The following CCSER1 variants were observed in gnomAD, a reference collection of about 807,000 sequenced individuals.
CCSER1 encodes the protein coiled-coil serine rich protein 1, also known as serine-rich coiled-coil domain-containing protein 1.
CCSER1 carries 41 observed loss-of-function variants against 82.0 expected under a neutral mutation model. That is an observed-to-expected ratio of 0.50 (90% CI 0.39 to 0.65). CCSER1 has a LOEUF of 0.65. CCSER1 is among the 30% of genes least tolerant of loss of function. The pLI, the probability that CCSER1 is intolerant of heterozygous loss-of-function variation, is 0.00. For synonymous variants in CCSER1, 414 were observed against 383.9 expected (o/e 1.08, Z -0.92); for missense variants, 1,119 against 1,064.2 (o/e 1.05, Z -0.72).
At chr4:90,854,892 C>T (rs1197524696) in intron 8 of CCSER1, among the ~76,000 whole-genome samples, 2 of 152,062 alleles carry the variant, frequency 1.3e-5, no homozygotes, top group African/African-American at 2.4e-5. Flanking sequence ...TCCACTGGCT[C>T]TACAGAAAGT....
At chr4:91,424,765 C>T (rs1171752475) in intron 10 of CCSER1, among the ~76,000 whole-genome samples, 1 of 151,888 alleles carries the variant, frequency 6.6e-6, no homozygotes, top group Non-Finnish European at 1.5e-5. Context: ...GTAAAATATG[C>T]CTTATTTTTA....
chr4:90,129,176 G>T (rs778575538), intron 1 of CCSER1, among the ~76,000 whole-genome samples: 7 of 151,766 alleles, frequency 4.6e-5, no homozygotes, highest in Non-Finnish European at 1.0e-4. Context: ...AAAATAATGT[G>T]TACACGTTTA....
intron 10 of CCSER1, among the ~76,000 whole-genome samples, chr4:91,239,303 C>A (rs1156695218): frequency 1.7e-5 from 1 of 58,260 alleles, no homozygotes; most frequent in South Asian, 7.1e-4. Flanking sequence ...TTAGAATGTG[C>A]GAATTTAACT....
At chr4:90,165,160 G>C (rs932545475) in intron 1 of CCSER1, among the ~76,000 whole-genome samples, 4 of 152,032 alleles carry the variant, frequency 2.6e-5, no homozygotes, top group African/African-American at 4.8e-5. Flanking sequence ...TTAGTTGATA[G>C]AAGCTTCTCT....
At chr4:90,539,517 G>T (rs939827047) in intron 5 of CCSER1, among the ~76,000 whole-genome samples, 3 of 151,980 alleles carry the variant, frequency 2.0e-5, no homozygotes, top group Non-Finnish European at 4.4e-5. Flanking sequence ...GCAATTACAC[G>T]TTTACATTCA....
chr4:90,957,994 G>T (rs557665611), intron 9 of CCSER1, among the ~76,000 whole-genome samples: 81 of 152,154 alleles, frequency 5.3e-4, no homozygotes, highest in Non-Finnish European at 8.7e-4. Flanking sequence ...CAGTTTGAAG[G>T]AGTTACTTGA....
chr4:91,008,315 T>C (rs1344003172), intron 9 of CCSER1, among the ~76,000 whole-genome samples: 1 of 152,198 alleles, frequency 6.6e-6, no homozygotes, highest in African/African-American at 2.4e-5. Context: ...ACTGAAGTTT[T>C]CTACTATTAT....
At chr4:90,192,526 C>T (rs1374822975) in intron 1 of CCSER1, among the ~76,000 whole-genome samples, 1 of 151,986 alleles carries the variant, frequency 6.6e-6, no homozygotes, top group African/African-American at 2.4e-5. Context: ...CGACCATTGC[C>T]GTGCAGTAGT....
At chr4:90,733,850 T>G (rs1745188912) in intron 7 of CCSER1, among the ~76,000 whole-genome samples, 1 of 152,062 alleles carries the variant, frequency 6.6e-6, no homozygotes, top group African/African-American at 2.4e-5. Flanking sequence ...ATAGATTTGT[T>G]TCTGGGTTCT....
At chr4:90,985,660 C>A (rs1230612001) in intron 9 of CCSER1, among the ~76,000 whole-genome samples, 2 of 151,646 alleles carry the variant, frequency 1.3e-5, no homozygotes, top group Non-Finnish European at 1.5e-5. Context: ...CATACATTTT[C>A]TTTTTATTAT....
At chr4:91,251,724 T>A (rs2149147669) in intron 10 of CCSER1, among the ~76,000 whole-genome samples, 1 of 152,274 alleles carries the variant, frequency 6.6e-6, no homozygotes, top group South Asian at 2.1e-4. Flanking sequence ...TTAAATCAAT[T>A]AAAATTATGG....
intron 1 of CCSER1, among the ~76,000 whole-genome samples, chr4:90,189,659 C>G (rs993027765): frequency 6.6e-5 from 10 of 151,544 alleles, no homozygotes; most frequent in African/African-American, 2.4e-4. Context: ...TGTGTTTTTT[C>G]TACCTTTCTC....
At chr4:91,400,394 T>G (rs573685445) in intron 10 of CCSER1, among the ~76,000 whole-genome samples, 3 of 151,724 alleles carry the variant, frequency 2.0e-5, no homozygotes, top group African/African-American at 7.3e-5. Context: ...TACATAAGTA[T>G]CTTTCAAAAA....
At chr4:90,772,275 T>C (rs1752286439) in intron 7 of CCSER1, among the ~76,000 whole-genome samples, 1 of 152,176 alleles carries the variant, frequency 6.6e-6, no homozygotes, top group South Asian at 2.1e-4. Context: ...AATCAATATA[T>C]TATGACAATC....
Position 90,460,196 on chromosome 4 carries a change from G to A in CCSER1, c.1604-8038G>A, listed in dbSNP as rs925952903. 2.7e-5 allele frequency among the ~76,000 whole-genome samples: 4 copies of A among 147,670 alleles called. 1 individual carries two copies. The highest frequency in any genetic ancestry group is 2.1e-4 in the South Asian group (1 of 4,732). ...AAAAATTAGCCGGGCATGGTGGCGC[G>A]TGCCTGTAGTCCCAGCTACACAGGA... On this transcript the variant is annotated intron_variant, in intron 4 of 10. Coordinates refer to ENST00000509176, the MANE Select transcript of CCSER1 (RefSeq NM_001145065.2).
intron 5 of CCSER1, among the ~76,000 whole-genome samples, chr4:90,585,210 G>GA (rs1781862957): frequency 6.6e-6 from 1 of 152,166 alleles, no homozygotes; most frequent in African/African-American, 2.4e-5. Flanking sequence ...AGTTAATGTT[G>GA]AAAAAACTGG....
intron 4 of CCSER1, among the ~76,000 whole-genome samples, chr4:90,429,670 A>G (rs981386605): frequency 6.6e-6 from 1 of 151,816 alleles, no homozygotes; most frequent in Non-Finnish European, 1.5e-5. Flanking sequence ...ATTTTAAGTG[A>G]CATAAGCAGA....
At chr4:91,132,924 T>C (rs1472999164) in intron 10 of CCSER1, among the ~76,000 whole-genome samples, 1 of 152,134 alleles carries the variant, frequency 6.6e-6, no homozygotes, top group Non-Finnish European at 1.5e-5. Context: ...TTTACCACAA[T>C]AATTTTTCTT....
intron 8 of CCSER1, among the ~76,000 whole-genome samples, chr4:90,895,838 C>G (rs1387115280): frequency 1.3e-5 from 2 of 151,708 alleles, no homozygotes; most frequent in East Asian, 3.9e-4. Flanking sequence ...CCATGAAGAA[C>G]CAAATGAATA....
Sources: gnomAD v4.1 joint callset for allele counts (sites outside exome capture counted in the v4.1 genomes callset) on GRCh38, gnomAD v4.1.1 for gene constraint, MANE v1.5 for transcripts, NCBI Gene and HGNC (gene_info 2026-07-23, HGNC 2026-07-21) for gene names.